PCDH15: variants seen among roughly 807,000 people sequenced by gnomAD.
PCDH15 encodes protocadherin-15.
PCDH15 carries 129 observed loss-of-function variants against 178.5 expected under a neutral mutation model. That is an observed-to-expected ratio of 0.72 (90% CI 0.63 to 0.84). The LOEUF is 0.84. PCDH15 is among the 40% of genes least tolerant of loss of function. The probability of loss-of-function intolerance (pLI) is 0.00; values close to 1 mark genes in which losing one functional copy is unlikely to be tolerated. For synonymous variants in PCDH15, 800 were observed against 732.0 expected, an observed-to-expected ratio of 1.09 and a Z score of -1.50; for missense variants, 2,230 against 2,099.9, an observed-to-expected ratio of 1.06 and a Z score of -1.21.
At chr10:54,844,866 CT>C (rs1457885270) in intron 3 of PCDH15, among the ~76,000 whole-genome samples, 1 of 151,764 alleles carries the variant, frequency 6.6e-6, no homozygotes, top group Non-Finnish European at 1.5e-5. Context: ...TCAATAATGA[CT>C]TTTAAAAAAA....
intron 1 of PCDH15, among the ~76,000 whole-genome samples, chr10:55,304,203 G>A (rs1383337472): frequency 6.6e-6 from 1 of 151,966 alleles, no homozygotes; most frequent in African/African-American, 2.4e-5. Context: ...AGGGCCTAAA[G>A]GTTTTCTGTC....
At chr10:54,529,315 A>T (rs950029168) in intron 2 of PCDH15, among the ~76,000 whole-genome samples, 1 of 152,024 alleles carries the variant, frequency 6.6e-6, no homozygotes, top group Non-Finnish European at 1.5e-5. Flanking sequence ...ATGCCCTCCT[A>T]CAGAGCCCAG....
At chr10:54,681,524 T>A (rs575372946) in intron 1 of PCDH15, among the ~76,000 whole-genome samples, 110 of 152,232 alleles carry the variant, frequency 7.2e-4, no homozygotes, top group African/African-American at 2.6e-3. Context: ...AATGCTAATA[T>A]GTTGAGTGCC....
intron 1 of PCDH15, among the ~76,000 whole-genome samples, chr10:54,693,320 A>T (rs2095163145): frequency 6.6e-6 from 1 of 151,998 alleles, no homozygotes; most frequent in Non-Finnish European, 1.5e-5. Context: ...CCTTTATATG[A>T]AGCTTAACAT....
chr10:55,188,582 A>G (rs764900995), intron 1 of PCDH15, among the ~76,000 whole-genome samples: 8 of 151,946 alleles, frequency 5.3e-5, no homozygotes, highest in Non-Finnish European at 7.4e-5. Context: ...TAAGTAACCT[A>G]TAAGTGTTTT....
At position 54,086,011 on chromosome 10, in the gene PCDH15, G is replaced by T. The variant is rs560971273; in HGVS notation, c.1997+3973C>A. Among the ~76,000 whole-genome samples, 42 of 152,248 alleles carry T rather than the reference G, an allele frequency of 2.8e-4. 1 individual carries two copies. The highest frequency in any genetic ancestry group is 9.6e-4 in the African/African-American group (40 of 41,546). ...AATAGCATATATTGAAGTGTCTGAT[G>T]AGGTAGAACATTGTTTATTTTTTTA... On this transcript the variant is annotated intron_variant, in intron 16 of 37. Coordinates refer to ENST00000644397, the MANE Select transcript of PCDH15 (RefSeq NM_001384140.1).
chr10:54,836,472 G>A (rs1953318476), intron 3 of PCDH15, among the ~76,000 whole-genome samples: 1 of 152,058 alleles, frequency 6.6e-6, no homozygotes, highest in African/African-American at 2.4e-5. Context: ...TTGTTGAGGA[G>A]AAGTAATCCA....
At chr10:54,745,497 A>G (rs1382443182) in intron 1 of PCDH15, among the ~76,000 whole-genome samples, 2 of 152,194 alleles carry the variant, frequency 1.3e-5, no homozygotes, top group African/African-American at 2.4e-5. Flanking sequence ...GCATGTTGCT[A>G]TTGATGTATG....
At chr10:54,681,857 G>A (rs1417471956) in intron 1 of PCDH15, among the ~76,000 whole-genome samples, 1 of 152,168 alleles carries the variant, frequency 6.6e-6, no homozygotes, top group East Asian at 1.9e-4. Context: ...ACAGGAGAGA[G>A]AATGGACACA....
chr10:54,109,271 G>A (rs1386523518), intron 15 of PCDH15, among the ~76,000 whole-genome samples: 1 of 152,154 alleles, frequency 6.6e-6, no homozygotes, highest in Non-Finnish European at 1.5e-5. Context: ...AAATATGGCA[G>A]AGCTATCTGC....
intron 1 of PCDH15, among the ~76,000 whole-genome samples, chr10:54,672,472 G>A (rs74738965): frequency 0.26 from 39,344 of 151,942 alleles, 5,483 homozygotes; most frequent in African/African-American, 0.34. Context: ...TTCAGTCTTA[G>A]CACATTGGAG....
chr10:54,170,377 T>G (rs1040714900), intron 13 of PCDH15, among the ~76,000 whole-genome samples: 8 of 151,998 alleles, frequency 5.3e-5, no homozygotes, highest in African/African-American at 1.9e-4. Flanking sequence ...ACCTTACTGT[T>G]TTAGTCTAGC....
intron 11 of PCDH15, among the ~76,000 whole-genome samples, chr10:54,190,226 A>G (rs1178418178): frequency 6.6e-6 from 1 of 152,140 alleles, no homozygotes; most frequent in East Asian, 1.9e-4. Flanking sequence ...CATCTGGAAT[A>G]GCTATGCTTG....
chr10:54,374,546 A>G (rs1230228152), intron 4 of PCDH15, among the ~76,000 whole-genome samples: 2 of 151,996 alleles, frequency 1.3e-5, no homozygotes, highest in Non-Finnish European at 2.9e-5. Flanking sequence ...TAGCATTTCA[A>G]AATTTTTATG....
intron 2 of PCDH15, among the ~76,000 whole-genome samples, chr10:55,016,768 TG>T (rs1394624698): frequency 2.0e-5 from 3 of 152,172 alleles, no homozygotes; most frequent in African/African-American, 7.2e-5. Context: ...TACCTAGCAG[TG>T]GGATTGCTGG....
intron 2 of PCDH15, among the ~76,000 whole-genome samples, chr10:55,371,112 G>A (rs1288898486): frequency 6.6e-6 from 1 of 152,066 alleles, no homozygotes; most frequent in Non-Finnish European, 1.5e-5. Flanking sequence ...ATATAGCCAT[G>A]TAAAACAATT....
intron 15 of PCDH15, among the ~76,000 whole-genome samples, chr10:54,101,650 A>G (rs532779731): frequency 6.6e-5 from 10 of 152,158 alleles, no homozygotes; most frequent in Non-Finnish European, 1.5e-4. Flanking sequence ...AACAATCACA[A>G]CTGCTAAAAA....
chr10:53,943,269 C>T (rs2086229933), intron 23 of PCDH15, among the ~76,000 whole-genome samples: 1 of 151,690 alleles, frequency 6.6e-6, no homozygotes, highest in Admixed American at 6.6e-5. Flanking sequence ...CGGGTGAATC[C>T]CCTGAGGTCA....
chr10:54,592,655 A>T (rs547965748), intron 2 of PCDH15, among the ~76,000 whole-genome samples: 101 of 152,326 alleles, frequency 6.6e-4, no homozygotes, highest in Non-Finnish European at 1.2e-3. Flanking sequence ...CTGAAATGAA[A>T]ACTAAAGCAA....
Sources: gnomAD v4.1 joint callset for allele counts (sites outside exome capture counted in the v4.1 genomes callset) on GRCh38, gnomAD v4.1.1 for gene constraint, MANE v1.5 for transcripts, NCBI Gene and HGNC (gene_info 2026-07-23, HGNC 2026-07-21) for gene names.